BTBD9: variants seen among roughly 807,000 people sequenced by gnomAD.
The protein encoded by BTBD9 is BTB/POZ domain-containing protein 9.
Under a neutral mutation model 64.3 loss-of-function variants are expected in BTBD9, and 49 were observed. The observed-to-expected ratio is 0.76, with a 90% confidence interval of 0.61 to 0.97. The LOEUF (loss-of-function observed/expected upper bound fraction) is 0.97. Ranked by LOEUF, BTBD9 falls within the 50% of genes least tolerant of loss-of-function variation. The pLI, the probability that BTBD9 is intolerant of heterozygous loss-of-function variation, is 0.00. For synonymous variants in BTBD9, 260 were observed against 274.7 expected, an observed-to-expected ratio of 0.95 and a Z score of 0.53; for missense variants, 598 against 762.1, an observed-to-expected ratio of 0.78 and a Z score of 2.53.
Position 38,353,415 on chromosome 6 carries a change from C to T in BTBD9, c.1155-8322G>A, listed in dbSNP as rs1281440735. On this transcript the variant is annotated intron_variant, in intron 6 of 10. Coordinates refer to ENST00000481247, the MANE Select transcript of BTBD9 (RefSeq NM_001099272.2). Reference sequence around the variant, plus strand: ...ATAAGGGAGAGGGGAAGAAGAGAGACGGGGGAGAAAAAAGGGAGGGGGATA... The same window carrying T: ...ATAAGGGAGAGGGGAAGAAGAGAGATGGGGGAGAAAAAAGGGAGGGGGATA... Among the ~76,000 whole-genome samples the T allele has an allele frequency of 6.5e-5, 9 of 137,594 alleles. No homozygotes were observed. The East Asian group carries it at 1.0e-3, about 16-fold the overall frequency. 90.3% of individuals were successfully genotyped at this position (137,594 alleles called of 152,430 possible).
intron 6 of BTBD9, among the ~76,000 whole-genome samples, chr6:38,430,252 C>T (rs921569912): frequency 1.1e-4 from 17 of 151,812 alleles, no homozygotes; most frequent in Admixed American, 1.1e-3. Context: ...TAGGTTCTCC[C>T]TCTGTTGCCC....
chr6:38,219,085 G>A (rs1392886229), intron 9 of BTBD9, among the ~76,000 whole-genome samples: 1 of 151,666 alleles, frequency 6.6e-6, no homozygotes, highest in Non-Finnish European at 1.5e-5. Context: ...AGGAGGATGA[G>A]GAGAGGGACA....
intron 7 of BTBD9, among the ~76,000 whole-genome samples, chr6:38,327,614 T>G (rs186385255): frequency 6.6e-6 from 1 of 152,346 alleles, no homozygotes; most frequent in Admixed American, 6.5e-5. Context: ...ATTTTAAGTG[T>G]ACAATGTGAG....
intron 6 of BTBD9, among the ~76,000 whole-genome samples, chr6:38,477,468 G>C (rs1009022012): frequency 6.6e-6 from 1 of 152,204 alleles, no homozygotes; most frequent in African/African-American, 2.4e-5. Context: ...AAGCAAGACT[G>C]TCTTTTCCTT....
intron 6 of BTBD9, among the ~76,000 whole-genome samples, chr6:38,545,289 C>T (rs945423554): frequency 6.6e-6 from 1 of 152,198 alleles, no homozygotes; most frequent in African/African-American, 2.4e-5. Context: ...ACAGGTTTCA[C>T]ACTGTTGGCC....
intron 9 of BTBD9, among the ~76,000 whole-genome samples, chr6:38,241,082 C>T (rs9366949): frequency 0.098 from 14,935 of 152,144 alleles, 1,143 homozygotes; most frequent in East Asian, 0.45. Flanking sequence ...CCTCAGCATA[C>T]CCTAAAGAAA....
At chr6:38,335,338 C>T (rs576162460) in intron 7 of BTBD9, among the ~76,000 whole-genome samples, 3 of 151,412 alleles carry the variant, frequency 2.0e-5, no homozygotes, top group African/African-American at 7.3e-5. Flanking sequence ...CTGCAACCTC[C>T]GCCTCCTGGG....
chr6:38,615,152 C>T (rs1777741898), intron 1 of BTBD9, among the ~76,000 whole-genome samples: 1 of 152,232 alleles, frequency 6.6e-6, no homozygotes, highest in Admixed American at 6.5e-5. Flanking sequence ...TTTTCACCTT[C>T]CATCATCCAA....
intron 6 of BTBD9, among the ~76,000 whole-genome samples, chr6:38,430,841 G>A (rs1277891951): frequency 6.6e-6 from 1 of 151,938 alleles, no homozygotes; most frequent in Admixed American, 6.5e-5. Context: ...CCACTGAAAT[G>A]TTTCCTGACA....
chr6:38,395,961 G>A (rs1439310061), intron 6 of BTBD9, among the ~76,000 whole-genome samples: 2 of 151,986 alleles, frequency 1.3e-5, no homozygotes, highest in Non-Finnish European at 2.9e-5. Context: ...CGCCCGCCTC[G>A]GCCTCCCAAA....
chr6:38,551,242 G>C (rs1774790305), intron 6 of BTBD9, among the ~76,000 whole-genome samples: 1 of 152,164 alleles, frequency 6.6e-6, no homozygotes, highest in Non-Finnish European at 1.5e-5. Flanking sequence ...AGGTTATTCA[G>C]ACTGGTCTGG....
At chr6:38,285,421 T>C (rs1014182657) in intron 8 of BTBD9, among the ~76,000 whole-genome samples, 2 of 152,044 alleles carry the variant, frequency 1.3e-5, no homozygotes, top group African/African-American at 2.4e-5. Flanking sequence ...TGGGGAATCA[T>C]GACATGACGT....
At chr6:38,266,572 T>G (rs750465807) in intron 8 of BTBD9, among the ~76,000 whole-genome samples, 18 of 121,120 alleles carry the variant, frequency 1.5e-4, no homozygotes, top group Non-Finnish European at 2.7e-4. Context: ...AAACTCAGTC[T>G]CAACAAGAAA....
intron 6 of BTBD9, among the ~76,000 whole-genome samples, chr6:38,428,029 G>A (rs1471638402): frequency 1.3e-5 from 2 of 151,902 alleles, no homozygotes; most frequent in Non-Finnish European, 2.9e-5. Context: ...TGCATAAAAA[G>A]AGGTAAGCAG....
intron 10 of BTBD9, among the ~76,000 whole-genome samples, chr6:38,185,694 A>G (rs976699437): frequency 7.9e-5 from 12 of 152,198 alleles, no homozygotes; most frequent in South Asian, 4.1e-4. Context: ...GGAAACCCCA[A>G]TTCTGGCTCA....
At chr6:38,209,090 T>A (rs1375948980) in intron 9 of BTBD9, among the ~76,000 whole-genome samples, 1 of 152,178 alleles carries the variant, frequency 6.6e-6, no homozygotes, top group Non-Finnish European at 1.5e-5. Context: ...GCCTCCCTTC[T>A]CTTGAAAACC....
intron 1 of BTBD9, among the ~76,000 whole-genome samples, chr6:38,632,265 A>T (rs1778388192): frequency 6.6e-6 from 1 of 152,272 alleles, no homozygotes; most frequent in African/African-American, 2.4e-5. Context: ...TTGTAAAATT[A>T]ACTGAAATTA....
At chr6:38,192,189 C>T (rs1189274312) in intron 10 of BTBD9, among the ~76,000 whole-genome samples, 1 of 152,176 alleles carries the variant, frequency 6.6e-6, no homozygotes, top group Non-Finnish European at 1.5e-5. Flanking sequence ...GGCAAGAAAC[C>T]TCATACAACT....
chr6:38,628,601 T>TA lies in BTBD9; in HGVS notation c.-28+11198_-28+11199insT, dbSNP rs546833456. ...AGGGTTGAAACTGGAGGTGTCAGTATGAACTTATGGTTAATATAGATATAC... is the reference window on the plus strand; with the variant it reads ...AGGGTTGAAACTGGAGGTGTCAGTATAGAACTTATGGTTAATATAGATATAC... On this transcript the variant is annotated intron_variant, in intron 1 of 10. Transcript: ENST00000481247. Among the ~76,000 whole-genome samples, 83 of 152,290 alleles carry TA rather than the reference T, an allele frequency of 5.5e-4. No individual in the cohort carries two copies. In the Middle Eastern group the frequency reaches 0.017, roughly 31 times the overall value.
Sources: gnomAD v4.1 joint callset for allele counts (sites outside exome capture counted in the v4.1 genomes callset) on GRCh38, gnomAD v4.1.1 for gene constraint, MANE v1.5 for transcripts, NCBI Gene and HGNC (gene_info 2026-07-23, HGNC 2026-07-21) for gene names.